Variants in DDX60L observed in about 807,000 individuals in gnomAD.
DDX60L encodes DExD/H-box 60 like.
DDX60L carries 191 observed loss-of-function variants against 211.6 expected under a neutral mutation model. That is an observed-to-expected ratio of 0.90 (90% CI 0.80 to 1.02). The LOEUF is 1.02. Among genes scored for constraint, DDX60L ranks in the 50% least tolerant of loss-of-function variants. DDX60L has a pLI of 0.00. For synonymous variants in DDX60L, 706 were observed against 694.1 expected (o/e 1.02, Z -0.27); for missense variants, 2,007 against 1,984.1 (o/e 1.01, Z -0.22).
intron 29 of DDX60L, among the ~76,000 whole-genome samples, 197 bp from the exon 30 acceptor site, chr4:168,385,009 T>C (rs1161828217): frequency 6.6e-6 from 1 of 152,192 alleles, no homozygotes; most frequent in Non-Finnish European, 1.5e-5. Context: ...TTGTGATATA[T>C]ATTTGGTCTT....
At chr4:168,421,681 C>G (rs1750647614) in intron 17 of DDX60L, 79 bp downstream of exon 17, 2 of 1,541,986 alleles carry the variant, frequency 1.3e-6, no homozygotes, top group Non-Finnish European at 1.8e-6. Flanking sequence ...TGAATTAGAT[C>G]TAGCATGTGA....
chr4:168,449,412 C>T (rs1755324638), intron 8 of DDX60L, among the ~76,000 whole-genome samples: 1 of 113,382 alleles, frequency 8.8e-6, no homozygotes, highest in Non-Finnish European at 1.7e-5. Context: ...GGGAATTGAA[C>T]AATGAGATCA....
At chr4:168,429,527 C>G (rs1752014636) in intron 13 of DDX60L, among the ~76,000 whole-genome samples, 1 of 152,186 alleles carries the variant, frequency 6.6e-6, no homozygotes, top group African/African-American at 2.4e-5. Flanking sequence ...AGCTTGTTAT[C>G]AGATAAATCT....
At chr4:168,387,287 TG>T (rs1302907975) in intron 29 of DDX60L, among the ~76,000 whole-genome samples, 8 of 152,242 alleles carry the variant, frequency 5.3e-5, no homozygotes, top group Admixed American at 4.6e-4. Flanking sequence ...AAACTGTGGT[TG>T]GAAATCTCCA....
intron 10 of DDX60L, among the ~76,000 whole-genome samples, chr4:168,434,197 T>C (rs1051868906): frequency 5.9e-5 from 9 of 152,174 alleles, no homozygotes; most frequent in Non-Finnish European, 1.3e-4. Flanking sequence ...TTCTGCATCC[T>C]AACTCCAGGT....
At chr4:168,400,550 T>C (rs1366270479) in intron 26 of DDX60L, among the ~76,000 whole-genome samples, 1 of 152,146 alleles carries the variant, frequency 6.6e-6, no homozygotes, top group African/African-American at 2.4e-5. Context: ...ATGCAGGTTA[T>C]GGTTAAGTAG....
At chr4:168,379,953 T>A (rs1560950751) in intron 30 of DDX60L, 123 bp from the exon 31 acceptor site, 1 of 576,230 alleles carries the variant, frequency 1.7e-6, no homozygotes, top group Non-Finnish European at 3.0e-6. Flanking sequence ...TGAAAGTAAA[T>A]TTCATTTGAT....
intron 36 of DDX60L, among the ~76,000 whole-genome samples, chr4:168,362,521 C>T (rs1003156240): frequency 6.6e-6 from 1 of 152,190 alleles, no homozygotes; most frequent in South Asian, 2.1e-4. Context: ...CACCATACAG[C>T]CTGCTGGCAC....
intron 5 of DDX60L, among the ~76,000 whole-genome samples, chr4:168,458,935 C>T (rs892156671): frequency 1.3e-5 from 2 of 152,050 alleles, no homozygotes; most frequent in Non-Finnish European, 2.9e-5. Flanking sequence ...TGCATATTTC[C>T]TCTTTGACAA....
intron 34 of DDX60L, 75 bp from the exon 35 acceptor site, chr4:168,373,883 G>GCT: frequency 6.8e-7 from 1 of 1,461,912 alleles, no homozygotes; most frequent in Non-Finnish European, 9.4e-7. Context: ...CTCACTGTAG[G>GCT]TCAAGCCACA....
At chr4:168,422,717 G>T (rs1322701596) in intron 15 of DDX60L, 47 bp from the exon 16 acceptor site, 8 of 1,372,058 alleles carry the variant, frequency 5.8e-6, no homozygotes, top group Non-Finnish European at 8.0e-6. Flanking sequence ...CTTCAAAATT[G>T]AATAAACATT....
At chr4:168,398,816 G>T (rs182517776) in intron 26 of DDX60L, among the ~76,000 whole-genome samples, 1 of 151,040 alleles carries the variant, frequency 6.6e-6, no homozygotes, top group African/African-American at 2.4e-5. Context: ...GCTACGGAGG[G>T]GAGCTACCCA....
At chr4:168,422,999 G>GTGTGTGTGTGTGTGTGTGTGTGTGTGTA (rs551448406) in intron 15 of DDX60L, among the ~76,000 whole-genome samples, 1,853 of 137,490 alleles carry the variant, frequency 0.013, 61 homozygotes, top group African/African-American at 0.028. Flanking sequence ...GTGTGTGTGT[G>GTGTGTGTGTGTGTGTGTGTGTGTGTGTA]TTGTAGAGAC....
At chr4:168,478,710 A>G (rs1232704406) in intron 1 of DDX60L, among the ~76,000 whole-genome samples, 1 of 152,244 alleles carries the variant, frequency 6.6e-6, no homozygotes, top group Non-Finnish European at 1.5e-5. Context: ...TCATATTAGA[A>G]GTATTTCTTT....
At chr4:168,393,744 A>T (rs983533466) in intron 28 of DDX60L, among the ~76,000 whole-genome samples, 1 of 152,166 alleles carries the variant, frequency 6.6e-6, no homozygotes, top group Admixed American at 6.5e-5. Flanking sequence ...GTTTTTTCCA[A>T]TTCTTAAAAA....
At chr4:168,422,012 C>T in intron 16 of DDX60L, 103 bp from the exon 17 acceptor site, 3 of 1,471,968 alleles carry the variant, frequency 2.0e-6, no homozygotes, top group East Asian at 2.3e-5. Context: ...CTGTATTATG[C>T]TACCTTTGGG....
intron 29 of DDX60L, among the ~76,000 whole-genome samples, chr4:168,387,064 C>A (rs553572081): frequency 2.7e-4 from 41 of 152,228 alleles, no homozygotes; most frequent in African/African-American, 8.7e-4. Flanking sequence ...AGAATACGGG[C>A]AAATCATAAC....
At position 168,374,971 on chromosome 4, in the gene DDX60L, C is replaced by G. The variant is rs898174144; in HGVS notation, c.4633+406G>C. 6.6e-5 allele frequency among the ~76,000 whole-genome samples: 10 copies of G among 152,294 alleles called. 1 individual carries two copies. In the Middle Eastern group the frequency reaches 0.014, roughly 207 times the overall value. On this transcript the variant is annotated intron_variant, in intron 34 of 37. Transcript: ENST00000682922. Reference sequence around the variant, plus strand: ...GGATTTAGACCTTGGCATTCTGCTGCCAGTGTTCACATTTGTAACCACTAT... The same window carrying G: ...GGATTTAGACCTTGGCATTCTGCTGGCAGTGTTCACATTTGTAACCACTAT...
intron 22 of DDX60L, among the ~76,000 whole-genome samples, chr4:168,407,395 A>G (rs1182400490): frequency 3.3e-5 from 5 of 152,132 alleles, no homozygotes; most frequent in Non-Finnish European, 7.4e-5. Flanking sequence ...ACAAGAACAA[A>G]TCCTGTCCTC....
Sources: allele counts gnomAD v4.1 joint callset (sites outside exome capture counted in the v4.1 genomes callset), GRCh38; gene constraint gnomAD v4.1.1; transcripts MANE v1.5; gene names NCBI Gene and HGNC (gene_info 2026-07-23, HGNC 2026-07-21).